The following CSMD2 variants were observed in gnomAD, a reference collection of about 807,000 sequenced individuals.
CSMD2 encodes the protein CUB and Sushi multiple domains 2, also known as CUB and sushi domain-containing protein 2.
In CSMD2, 130 loss-of-function variants were observed where a neutral mutation model predicts 398.5. That is an observed-to-expected ratio of 0.33 (90% CI 0.28 to 0.38). CSMD2 has a LOEUF of 0.38. Among genes scored for constraint, CSMD2 ranks in the 10% least tolerant of loss-of-function variants. CSMD2 has a pLI of 1.00. For missense variants in CSMD2, 3,829 were observed against 4,764.9 expected (o/e 0.80, Z 5.78); for synonymous variants, 1,828 against 1,908.5 (o/e 0.96, Z 1.10).
Position 33,890,375 on chromosome 1 carries a change from C to T in CSMD2, c.920+27719G>A, listed in dbSNP as rs1276996600. Among the ~76,000 whole-genome samples, 6 of 151,438 alleles carry T rather than the reference C, an allele frequency of 4.0e-5. No individual in the cohort carries two copies. The East Asian group carries it at 5.8e-4, about 15-fold the overall frequency. ...CCTCCCAAGTAGCTGGGAGTAAAGGCGTCTGCCACCACGCCTGGCTAATTT... is the reference window on the plus strand; with the variant it reads ...CCTCCCAAGTAGCTGGGAGTAAAGGTGTCTGCCACCACGCCTGGCTAATTT... On this transcript the variant is annotated intron_variant, in intron 5 of 70. Transcript: ENST00000373381.
intron 15 of CSMD2, among the ~76,000 whole-genome samples, chr1:33,737,549 AG>A (rs1646923698): frequency 6.6e-6 from 1 of 152,198 alleles, no homozygotes; most frequent in South Asian, 2.1e-4. Flanking sequence ...TGCATTTTAC[AG>A]TGGGGCAACT....
At chr1:33,656,532 C>T (rs1400820938) in intron 27 of CSMD2, among the ~76,000 whole-genome samples, 1 of 152,194 alleles carries the variant, frequency 6.6e-6, no homozygotes, top group African/African-American at 2.4e-5. Flanking sequence ...CTGTCATAGG[C>T]CAGTCCTCAG....
At chr1:33,672,460 C>G (rs1644538079) in intron 25 of CSMD2, among the ~76,000 whole-genome samples, 1 of 152,202 alleles carries the variant, frequency 6.6e-6, no homozygotes, top group Non-Finnish European at 1.5e-5. Context: ...AACAAAGCAG[C>G]TGGGAAGCTC....
intron 2 of CSMD2, among the ~76,000 whole-genome samples, chr1:34,082,142 G>A (rs1417738612): frequency 4.6e-5 from 7 of 150,636 alleles, no homozygotes; most frequent in East Asian, 4.0e-4. Context: ...CGTCTGGGAT[G>A]TGAGGAGCAC....
At chr1:33,701,285 C>T (rs1428185870) in intron 22 of CSMD2, among the ~76,000 whole-genome samples, 1 of 152,104 alleles carries the variant, frequency 6.6e-6, no homozygotes, top group Admixed American at 6.5e-5. Context: ...CCAGCTAGGG[C>T]CTGCTGGGCT....
intron 32 of CSMD2, among the ~76,000 whole-genome samples, chr1:33,630,150 C>A (rs1642381689): frequency 6.6e-6 from 1 of 151,792 alleles, no homozygotes; most frequent in Admixed American, 6.6e-5. Context: ...TATCTACATC[C>A]ATATTTACAT....
intron 13 of CSMD2, among the ~76,000 whole-genome samples, chr1:33,769,180 G>A (rs1650938025): frequency 6.6e-6 from 1 of 152,210 alleles, no homozygotes; most frequent in African/African-American, 2.4e-5. Context: ...AAGATTGTAT[G>A]GGAAATGCTC....
At chr1:34,020,234 A>G (rs1005851225) in intron 3 of CSMD2, among the ~76,000 whole-genome samples, 3 of 152,110 alleles carry the variant, frequency 2.0e-5, no homozygotes, top group Non-Finnish European at 2.9e-5. Flanking sequence ...GGGGAACAGA[A>G]TGTATGGAGG....
intron 21 of CSMD2, among the ~76,000 whole-genome samples, chr1:33,714,087 G>A (rs187487564): frequency 6.6e-6 from 1 of 152,292 alleles, no homozygotes; most frequent in East Asian, 1.9e-4. Flanking sequence ...GTCCTCCCCT[G>A]CTGAATGGAT....
At chr1:33,605,180 C>G in intron 42 of CSMD2, 102 bp downstream of exon 42, 1 of 1,139,986 alleles carries the variant, frequency 8.8e-7, no homozygotes, top group Non-Finnish European at 1.3e-6. Flanking sequence ...GACCTCCAGC[C>G]CTGGAGATCC....
At position 33,605,367 on chromosome 1, in the gene CSMD2, C is replaced by G; in HGVS notation, c.6447G>C (p.Pro2149=). 1 of 1,614,128 alleles carries G rather than the reference C, an allele frequency of 6.2e-7. No homozygotes were observed. Among genetic ancestry groups the G allele is most frequent in the Non-Finnish European group, 8.5e-7 (1 of 1,180,020 alleles). Residue 2149 remains proline, a synonymous_variant, in exon 42 of 71, where the codon CCG becomes CCC. Coordinates refer to ENST00000373381, the MANE Select transcript of CSMD2 (RefSeq NM_001281956.2). Reference sequence around the variant, plus strand: ...CAGGGTGGCCAGTCAATTGATACCCCGGGAGGCACTCGAAGGTCACTGATT... The same window carrying G: ...CAGGGTGGCCAGTCAATTGATACCCGGGGAGGCACTCGAAGGTCACTGATT... ...VGQSVTFECL[P]GYQLTGHPVL...
At chr1:33,774,314 T>C (rs550083105) in intron 12 of CSMD2, among the ~76,000 whole-genome samples, 1 of 152,218 alleles carries the variant, frequency 6.6e-6, no homozygotes, top group Admixed American at 6.5e-5. Flanking sequence ...GCTGAAAACA[T>C]AGCTGAAACC....
At chr1:33,821,620 C>T (rs1658166965) in intron 7 of CSMD2, among the ~76,000 whole-genome samples, 1 of 152,204 alleles carries the variant, frequency 6.6e-6, no homozygotes. Context: ...CTCACTCACC[C>T]ACTTGCTCAC....
intron 3 of CSMD2, among the ~76,000 whole-genome samples, chr1:33,976,272 A>T (rs951078694): frequency 2.6e-5 from 4 of 152,186 alleles, no homozygotes; most frequent in Admixed American, 6.5e-5. Context: ...GGGGCAGCAG[A>T]TGATTGAGGA....
chr1:33,959,341 G>A (rs1365281610), intron 3 of CSMD2, among the ~76,000 whole-genome samples: 1 of 152,148 alleles, frequency 6.6e-6, no homozygotes, highest in Admixed American at 6.6e-5. Flanking sequence ...GCCCAGCACA[G>A]TGCCAGACAC....
intron 33 of CSMD2, 66 bp from the exon 34 acceptor site, chr1:33,625,320 C>A (rs1445961157): frequency 4.2e-6 from 6 of 1,442,478 alleles, no homozygotes; most frequent in Non-Finnish European, 5.7e-6. Flanking sequence ...GACGGACATA[C>A]AACGGGTCTG....
chr1:33,645,344 T>TACACACAC (rs4044501), intron 29 of CSMD2, among the ~76,000 whole-genome samples: 25 of 136,370 alleles, frequency 1.8e-4, no homozygotes, highest in South Asian at 7.6e-4. Context: ...TGGAGCATTA[T>TACACACAC]ACACACACAC....
intron 5 of CSMD2, chr1:33,863,877 T>C (rs999933412): frequency 2.4e-4 from 61 of 255,052 alleles, no homozygotes; most frequent in Non-Finnish European, 4.3e-4. Flanking sequence ...AGCTGCCTCA[T>C]AGCCTACTAT....
chr1:34,129,009 C>CACA (rs1004266249), intron 1 of CSMD2, among the ~76,000 whole-genome samples: 5 of 103,324 alleles, frequency 4.8e-5, no homozygotes, highest in African/African-American at 1.7e-4. Context: ...GTGTACCCCC[C>CACA]CCCACACACA....
Sources: allele counts gnomAD v4.1 joint callset (sites outside exome capture counted in the v4.1 genomes callset), GRCh38; gene constraint gnomAD v4.1.1; transcripts MANE v1.5; gene names NCBI Gene and HGNC (gene_info 2026-07-23, HGNC 2026-07-21).